CATSPERT: variants seen among roughly 807,000 people sequenced by gnomAD.
CATSPERT encodes the protein catsper channel auxiliary subunit tau, also known as cation channel sperm-associated targeting subunit tau.
the CATSPERT span, among the ~76,000 whole-genome samples, chr2:201,572,720 A>T: frequency 1.3e-5 from 2 of 152,176 alleles, no homozygotes; most frequent in African/African-American, 4.8e-5. Context: ...TTACAATAAG[A>T]AATTTAAAAA....
the CATSPERT span, among the ~76,000 whole-genome samples, chr2:201,499,169 T>TA: frequency 2.0e-5 from 3 of 152,186 alleles, no homozygotes; most frequent in Non-Finnish European, 2.9e-5. Flanking sequence ...GAAAAATTGA[T>TA]ACATGTAAGT....
chr2:201,585,154 G>A, the CATSPERT span, among the ~76,000 whole-genome samples: 323 of 152,046 alleles, frequency 2.1e-3, 1 homozygote, highest in Non-Finnish European at 3.3e-3. Flanking sequence ...AACACCGCAT[G>A]TTCTCACTCA....
At chr2:201,490,252 A>C in the CATSPERT span, among the ~76,000 whole-genome samples, 1 of 152,348 alleles carries the variant, frequency 6.6e-6, no homozygotes, top group South Asian at 2.1e-4. Context: ...AAAGACTAGA[A>C]GTTAAATTTT....
chr2:201,539,555 A>G, the CATSPERT span, among the ~76,000 whole-genome samples: 1 of 51,382 alleles, frequency 1.9e-5, no homozygotes, highest in African/African-American at 5.4e-5. Flanking sequence ...CTTTTTAACG[A>G]GGTTGTTTTT....
the CATSPERT span, among the ~76,000 whole-genome samples, chr2:201,608,448 G>C: frequency 6.6e-6 from 1 of 152,014 alleles, no homozygotes; most frequent in African/African-American, 2.4e-5. Flanking sequence ...TGACCCTCGA[G>C]GAATATTTTA....
At chr2:201,516,199 C>G in the CATSPERT span, among the ~76,000 whole-genome samples, 1 of 152,124 alleles carries the variant, frequency 6.6e-6, no homozygotes, top group Non-Finnish European at 1.5e-5. Flanking sequence ...AGAAAAGGTA[C>G]AGTAAAATAT....
chr2:201,489,893 CTT>C, the CATSPERT span, among the ~76,000 whole-genome samples: 1 of 146,856 alleles, frequency 6.8e-6, no homozygotes, highest in Non-Finnish European at 1.5e-5. Flanking sequence ...ATCTTGCTCT[CTT>C]GCCCAGGCTG....
At chr2:201,602,056 C>T in the CATSPERT span, among the ~76,000 whole-genome samples, 282 of 152,124 alleles carry the variant, frequency 1.9e-3, no homozygotes, top group African/African-American at 6.1e-3. Flanking sequence ...CTGGTGGACA[C>T]AATATAAGTA....
chr2:201,521,457 G>GAGAGAC, the CATSPERT span, among the ~76,000 whole-genome samples: 13,252 of 150,440 alleles, frequency 0.088, 570 homozygotes, highest in Middle Eastern at 0.11. Flanking sequence ...GAGAGAAAGA[G>GAGAGAC]ACACACAGAG....
chr2:201,489,355 T>C, the CATSPERT span, among the ~76,000 whole-genome samples: 1 of 152,172 alleles, frequency 6.6e-6, no homozygotes, highest in African/African-American at 2.4e-5. Context: ...AAAATCCTCT[T>C]TGAAGACTAT....
the CATSPERT span, among the ~76,000 whole-genome samples, chr2:201,546,433 TAAC>T: frequency 6.6e-6 from 1 of 152,078 alleles, no homozygotes. Flanking sequence ...TCTTACAACT[TAAC>T]AATAAAAAGA....
chr2:201,575,139 C>G, the CATSPERT span: 1 of 575,990 alleles, frequency 1.7e-6, no homozygotes, highest in East Asian at 3.4e-5. Flanking sequence ...TCATACATTT[C>G]TACTATTTCA....
At chr2:201,571,994 C>T in the CATSPERT span, 1 of 1,613,122 alleles carries the variant, frequency 6.2e-7, no homozygotes, top group South Asian at 1.1e-5. Context: ...ACATGGATGG[C>T]TCAGTAATTT....
At chr2:201,580,528 C>T in the CATSPERT span, among the ~76,000 whole-genome samples, 1 of 152,144 alleles carries the variant, frequency 6.6e-6, no homozygotes, top group South Asian at 2.1e-4. Flanking sequence ...TATGCCACAT[C>T]TTTTCTTCTC....
chr2:201,524,534 C>T, the CATSPERT span, among the ~76,000 whole-genome samples: 1 of 152,220 alleles, frequency 6.6e-6, no homozygotes, highest in East Asian at 1.9e-4. Context: ...AAGTACACAG[C>T]CCACTGACAC....
At chr2:201,573,963 C>A in the CATSPERT span, among the ~76,000 whole-genome samples, 1 of 152,132 alleles carries the variant, frequency 6.6e-6, no homozygotes, top group African/African-American at 2.4e-5. Context: ...AGCCTAAAAT[C>A]AAGTTTTATA....
the CATSPERT span, among the ~76,000 whole-genome samples, chr2:201,544,057 G>A: frequency 6.6e-6 from 1 of 151,998 alleles, no homozygotes; most frequent in Admixed American, 6.6e-5. Flanking sequence ...CCCTTCCTGT[G>A]TCCAAGTGTT....
At chr2:201,541,188 C>T in the CATSPERT span, among the ~76,000 whole-genome samples, 1 of 152,060 alleles carries the variant, frequency 6.6e-6, no homozygotes, top group East Asian at 1.9e-4. Context: ...AATCTACTGC[C>T]AAAGATGCTG....
the CATSPERT span, chr2:201,491,857 T>C: frequency 3.9e-6 from 6 of 1,536,888 alleles, no homozygotes; most frequent in Non-Finnish European, 4.4e-6. Flanking sequence ...CTCTGTTTTA[T>C]GAACAGAATT....
Sources: gnomAD v4.1 joint callset for allele counts (sites outside exome capture counted in the v4.1 genomes callset) on GRCh38, gnomAD v4.1.1 for gene constraint, MANE v1.5 for transcripts, NCBI Gene and HGNC (gene_info 2026-07-23, HGNC 2026-07-21) for gene names.